The following ADGRL3 variants were observed in gnomAD, a reference collection of about 807,000 sequenced individuals.
ADGRL3 encodes the protein adhesion G protein-coupled receptor L3.
ADGRL3 carries 62 observed loss-of-function variants against 153.5 expected under a neutral mutation model. The observed-to-expected ratio is 0.40, with a 90% CI of 0.33 to 0.50. The LOEUF is 0.50. ADGRL3 is among the 20% of genes least tolerant of loss of function. The pLI, the probability that ADGRL3 is intolerant of heterozygous loss-of-function variation, is 0.47. For synonymous variants in ADGRL3, 710 were observed against 672.5 expected (o/e 1.06, Z -0.86); for missense variants, 1,641 against 1,859.4 (o/e 0.88, Z 2.16).
At chr4:61,899,076 G>A (rs2098648834) in intron 11 of ADGRL3, among the ~76,000 whole-genome samples, 1 of 152,160 alleles carries the variant, frequency 6.6e-6, no homozygotes, top group African/African-American at 2.4e-5. Flanking sequence ...ACCTGTGCAA[G>A]CTTCTAGCTT....
In ADGRL3 at chr4:61,253,691, C is replaced by CCACACACACACACA. The variant is rs143396564; in HGVS notation, c.-240+51935_-240+51948dup. 3.5e-3 allele frequency among the ~76,000 whole-genome samples: 496 copies of CCACACACACACACA among 140,478 alleles called. 5 individuals carry two copies. Among genetic ancestry groups the CCACACACACACACA allele is most frequent in the East Asian group, 0.025 (111 of 4,446 alleles). 92.2% of individuals were successfully genotyped at this position (140,478 alleles called of 152,430 possible). On this transcript the variant is annotated intron_variant, in intron 1 of 26. Coordinates refer to ENST00000683033, the MANE Select transcript of ADGRL3 (RefSeq NM_001387552.1). ...CACAACTTTGTTTGTATGTTCAGTT[C>CCACACACACACACA]CACACACACACACACACACACATAT... is the stretch of plus-strand genomic sequence containing the variant.
chr4:61,837,984 G>A (rs1376919884), intron 9 of ADGRL3, among the ~76,000 whole-genome samples: 1 of 152,108 alleles, frequency 6.6e-6, no homozygotes, highest in Non-Finnish European at 1.5e-5. Flanking sequence ...TCATACAGTT[G>A]AGGAGTAAGC....
At chr4:61,243,193 A>G (rs1027689798) in intron 1 of ADGRL3, among the ~76,000 whole-genome samples, 3 of 152,054 alleles carry the variant, frequency 2.0e-5, no homozygotes, top group Non-Finnish European at 4.4e-5. Context: ...TTCAAAGTAA[A>G]TGGGAAGTAA....
chr4:61,660,824 ATACTT>A (rs1170186358), intron 5 of ADGRL3, among the ~76,000 whole-genome samples: 1 of 152,164 alleles, frequency 6.6e-6, no homozygotes, highest in Non-Finnish European at 1.5e-5. Flanking sequence ...TGGATGTAGA[ATACTT>A]TACTTGGTTG....
intron 8 of ADGRL3, among the ~76,000 whole-genome samples, chr4:61,796,721 T>C (rs1298095444): frequency 6.6e-6 from 1 of 152,232 alleles, no homozygotes; most frequent in Non-Finnish European, 1.5e-5. Flanking sequence ...TTTGCTGTCG[T>C]TATAATTTTT....
At chr4:61,540,287 G>T (rs1292347165) in intron 4 of ADGRL3, among the ~76,000 whole-genome samples, 1 of 152,150 alleles carries the variant, frequency 6.6e-6, no homozygotes, top group Non-Finnish European at 1.5e-5. Context: ...GGTGGCTTAT[G>T]CCTGTAATCC....
chr4:61,723,072 G>A (rs1030031183), intron 6 of ADGRL3, among the ~76,000 whole-genome samples: 7 of 152,154 alleles, frequency 4.6e-5, no homozygotes, highest in Non-Finnish European at 1.0e-4. Flanking sequence ...TAGTCAAACT[G>A]TTATGCCTTG....
intron 17 of ADGRL3, among the ~76,000 whole-genome samples, chr4:61,977,237 T>G (rs1581714266): frequency 6.6e-6 from 1 of 150,842 alleles, no homozygotes; most frequent in South Asian, 2.1e-4. Context: ...TTTTTAAAGG[T>G]GTTTCAGGTC....
chr4:61,759,946 T>C (rs2096889458), intron 8 of ADGRL3, among the ~76,000 whole-genome samples: 1 of 152,192 alleles, frequency 6.6e-6, no homozygotes, highest in African/African-American at 2.4e-5. Flanking sequence ...CTCCAGACCC[T>C]GTTTGCCTGG....
At chr4:61,443,835 A>G (rs2097551934) in intron 2 of ADGRL3, among the ~76,000 whole-genome samples, 2 of 152,204 alleles carry the variant, frequency 1.3e-5, no homozygotes, top group Admixed American at 1.3e-4. Flanking sequence ...ACAAATTCCA[A>G]TACAAATTAT....
intron 2 of ADGRL3, among the ~76,000 whole-genome samples, chr4:61,448,268 ACTTG>A (rs996863872): frequency 6.9e-6 from 1 of 145,962 alleles, no homozygotes; most frequent in Non-Finnish European, 1.5e-5. Flanking sequence ...AACAAAATAC[ACTTG>A]CTAAAAAAAA....
chr4:61,962,167 A>T (rs1277610355), intron 17 of ADGRL3, among the ~76,000 whole-genome samples: 1 of 150,578 alleles, frequency 6.6e-6, no homozygotes, highest in Non-Finnish European at 1.5e-5. Flanking sequence ...TGAACCTGGG[A>T]GGCAGAAGTT....
At chr4:61,676,764 A>G in intron 5 of ADGRL3, 62 bp from the exon 6 acceptor site, 1 of 1,082,162 alleles carries the variant, frequency 9.2e-7, no homozygotes, top group Non-Finnish European at 1.4e-6. Context: ...ATTAGTGTTG[A>G]TGTTGATAAT....
chr4:62,005,651 C>T (rs913585803), intron 21 of ADGRL3, among the ~76,000 whole-genome samples: 1 of 151,884 alleles, frequency 6.6e-6, no homozygotes, highest in Non-Finnish European at 1.5e-5. Flanking sequence ...TGCAGTCAGA[C>T]TATGGAAATG....
chr4:61,960,186 A>G (rs1442324280), intron 17 of ADGRL3, among the ~76,000 whole-genome samples: 1 of 152,134 alleles, frequency 6.6e-6, no homozygotes, highest in Non-Finnish European at 1.5e-5. Flanking sequence ...TCCTTCATGC[A>G]CTTATTCAAA....
At chr4:61,726,241 C>G in intron 6 of ADGRL3, among the ~76,000 whole-genome samples, 1 of 97,492 alleles carries the variant, frequency 1.0e-5, no homozygotes, top group South Asian at 3.7e-4. Flanking sequence ...CCCTGTCGCC[C>G]AGGTTGGAGT....
intron 17 of ADGRL3, among the ~76,000 whole-genome samples, chr4:61,978,184 A>T (rs935466111): frequency 6.6e-6 from 1 of 151,698 alleles, no homozygotes; most frequent in Non-Finnish European, 1.5e-5. Context: ...TAGAAAGACA[A>T]CTCCTTCTTG....
chr4:61,824,236 T>C (rs2097781106), intron 9 of ADGRL3, among the ~76,000 whole-genome samples: 1 of 152,154 alleles, frequency 6.6e-6, no homozygotes, highest in Non-Finnish European at 1.5e-5. Flanking sequence ...AAGTGACAAA[T>C]AATTTTTTGT....
intron 21 of ADGRL3, among the ~76,000 whole-genome samples, chr4:62,014,017 T>C (rs189272543): frequency 1.4e-4 from 22 of 152,136 alleles, no homozygotes; most frequent in African/African-American, 5.1e-4. Context: ...TAAATGGTCA[T>C]AGTATCTGGG....
Sources: allele counts gnomAD v4.1 joint callset (sites outside exome capture counted in the v4.1 genomes callset), GRCh38; gene constraint gnomAD v4.1.1; transcripts MANE v1.5; gene names NCBI Gene and HGNC (gene_info 2026-07-23, HGNC 2026-07-21).